TTC6: variants seen among roughly 807,000 people sequenced by gnomAD.
TTC6 encodes the protein tetratricopeptide repeat domain 6, also known as tetratricopeptide repeat protein 6.
In TTC6, 172 loss-of-function variants were observed where a neutral mutation model predicts 210.4. The ratio of observed to expected loss-of-function variants is 0.82; its 90% CI spans 0.72 to 0.93. The LOEUF (loss-of-function observed/expected upper bound fraction) is 0.93. Among genes scored for constraint, TTC6 ranks in the 40% least tolerant of loss-of-function variants. The pLI, the probability that TTC6 is intolerant of heterozygous loss-of-function variation, is 0.00. For synonymous variants in TTC6, 804 were observed against 819.6 expected (o/e 0.98, Z 0.32); for missense variants, 2,414 against 2,318.1 (o/e 1.04, Z -0.85).
intron 14 of TTC6, among the ~76,000 whole-genome samples, chr14:37,787,255 G>A (rs1027818560): frequency 1.3e-5 from 2 of 152,128 alleles, no homozygotes; most frequent in Non-Finnish European, 2.9e-5. Flanking sequence ...GAATGTACCT[G>A]ATAAGCATAT....
intron 5 of TTC6, among the ~76,000 whole-genome samples, chr14:37,702,089 G>A (rs893668967): frequency 6.6e-6 from 1 of 152,164 alleles, no homozygotes; most frequent in African/African-American, 2.4e-5. Flanking sequence ...GGAACCTAAT[G>A]TTTATGCAGC....
chr14:37,786,989 C>A (rs1235487532), intron 14 of TTC6, among the ~76,000 whole-genome samples: 1 of 152,112 alleles, frequency 6.6e-6, no homozygotes, highest in Admixed American at 6.6e-5. Context: ...CAATAGCTTT[C>A]ATCCGTGAAA....
intron 1 of TTC6, among the ~76,000 whole-genome samples, chr14:37,641,071 A>G (rs139307929): frequency 6.6e-6 from 1 of 152,364 alleles, no homozygotes; most frequent in Non-Finnish European, 1.5e-5. Context: ...GAAGGAACTT[A>G]TACAATTTAA....
chr14:37,787,680 G>C (rs2096070990), intron 15 of TTC6, 43 bp downstream of exon 17: 1 of 1,376,680 alleles, frequency 7.3e-7, no homozygotes, highest in East Asian at 2.5e-5. Flanking sequence ...CCCAATCTGA[G>C]ATTCAACAGC....
chr14:37,620,598 T>C (rs1448164147), upstream of TTC6, among the ~76,000 whole-genome samples: 1 of 152,210 alleles, frequency 6.6e-6, no homozygotes, highest in East Asian at 1.9e-4. Flanking sequence ...TGTAATGATC[T>C]TTCAAGATCT....
At chr14:37,624,463 C>G (rs1205589205) in intron 1 of TTC6, among the ~76,000 whole-genome samples, 6 of 151,974 alleles carry the variant, frequency 3.9e-5, no homozygotes, top group Admixed American at 3.9e-4. Flanking sequence ...CCAGAGGTCC[C>G]GTACAGTTGA....
chr14:37,639,106 A>G (rs1268131835), intron 1 of TTC6, among the ~76,000 whole-genome samples: 2 of 152,234 alleles, frequency 1.3e-5, no homozygotes, highest in Non-Finnish European at 2.9e-5. Context: ...TGCTATGTAT[A>G]ACTTATTATG....
rs1445460771 is a variant in TTC6 at position 37,747,102 on chromosome 14, C to T, written c.2364-1837C>T. Among the ~76,000 whole-genome samples, 4 of 152,182 alleles carry T rather than the reference C, an allele frequency of 2.6e-5. No homozygotes were observed. In the East Asian group the frequency reaches 7.7e-4, roughly 29 times the overall value. On this transcript the variant is annotated intron_variant, in intron 10 of 30. Transcript: ENST00000553443. ...ATTGTTGTCCTAATGACTTAAAGCT[C>T]TTTGATCTCCCAATGCCTTGTCTTC... is the stretch of plus-strand genomic sequence containing the variant.
chr14:37,841,526 A>C (rs768343557), exon 30 of TTC6: 3 of 1,603,014 alleles, frequency 1.9e-6, no homozygotes, highest in East Asian at 4.5e-5. Flanking sequence ...TACAAATACA[A>C]TATTAAAGAA....
At chr14:37,756,624 G>A (rs370077757) in intron 14 of TTC6, among the ~76,000 whole-genome samples, 1 of 152,034 alleles carries the variant, frequency 6.6e-6, no homozygotes. Context: ...TTTGTTATTG[G>A]TTCTATTTAT....
At chr14:37,628,496 C>G (rs1314137229) in intron 1 of TTC6, among the ~76,000 whole-genome samples, 1 of 151,902 alleles carries the variant, frequency 6.6e-6, no homozygotes, top group Non-Finnish European at 1.5e-5. Context: ...CTTGTAGATT[C>G]TGGATATTAG....
chr14:37,805,763 C>T (rs994722952), intron 21 of TTC6, among the ~76,000 whole-genome samples: 1 of 151,988 alleles, frequency 6.6e-6, no homozygotes, highest in African/African-American at 2.4e-5. Context: ...TGCAGTGGCG[C>T]GATCTCGGCT....
chr14:37,695,938 G>T (rs61977075), intron 3 of TTC6, among the ~76,000 whole-genome samples: 10,082 of 152,172 alleles, frequency 0.066, 469 homozygotes, highest in Middle Eastern at 0.095. Context: ...ATAGATATGG[G>T]ATGACGAGAT....
chr14:37,796,753 G>T, intron 19 of TTC6, 34 bp from the exon 22 acceptor site: 1 of 1,569,700 alleles, frequency 6.4e-7, no homozygotes, highest in Non-Finnish European at 8.6e-7. Context: ...TTGATACTTG[G>T]CAAAGATATT....
At chr14:37,709,321 G>T (rs1414124388) in intron 5 of TTC6, among the ~76,000 whole-genome samples, 2 of 152,070 alleles carry the variant, frequency 1.3e-5, no homozygotes, top group Non-Finnish European at 2.9e-5. Context: ...CTGAGGCAAA[G>T]CTTTGCACTC....
chr14:37,717,463 A>G (rs1196265537), intron 6 of TTC6, among the ~76,000 whole-genome samples: 2 of 152,168 alleles, frequency 1.3e-5, no homozygotes, highest in African/African-American at 4.8e-5. Context: ...ACGTGAAGAA[A>G]TTCTCGAAAA....
chr14:37,808,874 T>C (rs2096123945), intron 24 of TTC6, 28 bp downstream of exon 26: 3 of 1,102,214 alleles, frequency 2.7e-6, no homozygotes, highest in African/African-American at 1.6e-5. Flanking sequence ...GTAAACAATG[T>C]GTTTAAAGTG....
intron 1 of TTC6, among the ~76,000 whole-genome samples, chr14:37,649,665 C>T (rs1302360875): frequency 6.6e-6 from 1 of 152,164 alleles, no homozygotes; most frequent in Non-Finnish European, 1.5e-5. Flanking sequence ...CATGGGCCCT[C>T]AGTGGTCTAT....
exon 20 of TTC6, chr14:37,796,834 T>G: frequency 1.2e-6 from 2 of 1,609,830 alleles, no homozygotes; most frequent in South Asian, 2.2e-5. Flanking sequence ...TTATTCATTT[T>G]GTGAAAACCA....
Sources: allele counts gnomAD v4.1 joint callset (sites outside exome capture counted in the v4.1 genomes callset), GRCh38; gene constraint gnomAD v4.1.1; transcripts MANE v1.5; gene names NCBI Gene and HGNC (gene_info 2026-07-23, HGNC 2026-07-21).